C4orf51: variants seen among roughly 807,000 people sequenced by gnomAD.
The protein encoded by C4orf51 is chromosome 4 open reading frame 51, also known as uncharacterized protein C4orf51.
A neutral mutation model predicts 25.2 loss-of-function variants in C4orf51; 25 were observed. The ratio of observed to expected loss-of-function variants is 0.99; its 90% CI spans 0.72 to 1.39. The LOEUF (loss-of-function observed/expected upper bound fraction) is 1.39, where lower values mean the gene tolerates loss of function less well. Among genes scored for constraint, C4orf51 ranks in the 40% most tolerant of loss-of-function variants. C4orf51 has a pLI of 0.00. For missense variants in C4orf51, 252 were observed against 239.6 expected (o/e 1.05, Z -0.34); for synonymous variants, 100 against 84.5 (o/e 1.18, Z -1.01).
At chr4:145,719,103 T>A (rs1731576313) in intron 2 of C4orf51, among the ~76,000 whole-genome samples, 1 of 152,212 alleles carries the variant, frequency 6.6e-6, no homozygotes, top group South Asian at 2.1e-4. Context: ...CTTGTCTGTC[T>A]TGTCTTTGTA....
intron 2 of C4orf51, among the ~76,000 whole-genome samples, chr4:145,710,672 G>A (rs911552576): frequency 3.9e-5 from 6 of 152,118 alleles, no homozygotes; most frequent in African/African-American, 1.4e-4. Flanking sequence ...AGTTTCAGGT[G>A]TTTTGGTTTA....
At chr4:145,727,932 T>A (rs1326674812) in intron 3 of C4orf51, among the ~76,000 whole-genome samples, 1 of 86,726 alleles carries the variant, frequency 1.2e-5, no homozygotes, top group Non-Finnish European at 2.0e-5. Context: ...TAAAATATAT[T>A]ATATATATAC....
the C4orf51 span, among the ~76,000 whole-genome samples, chr4:145,787,814 G>C: frequency 6.6e-6 from 1 of 152,030 alleles, no homozygotes. Flanking sequence ...TCATTTTCAG[G>C]AGGGCAAAAA....
intron 1 of C4orf51, among the ~76,000 whole-genome samples, chr4:145,744,433 G>A (rs781141174): frequency 6.6e-6 from 1 of 152,076 alleles, no homozygotes; most frequent in East Asian, 1.9e-4. Context: ...TAAGTCCTTC[G>A]GCAGGAAATT....
chr4:145,765,772 G>A lies in C4orf51; in HGVS notation n.167-5216G>A. 3 of 1,597,342 alleles carry A rather than the reference G, an allele frequency of 1.9e-6. No individual in the cohort carries two copies. Among genetic ancestry groups the A allele is most frequent in the Non-Finnish European group, 1.7e-6 (2 of 1,170,612 alleles). On this transcript the variant is annotated intron_variant and non_coding_transcript_variant, in intron 1 of 1. Transcript: ENST00000510096. The surrounding 1 kb of genome is among the most constrained non-coding windows in gnomAD (Gnocchi z 4.7). ...TAAGCAAATAACCCAGTCTGTTAAT[G>A]AGATGAAAATCCTCAGAATTATAGC...
At chr4:145,745,319 C>CTTTTT (rs1560864379) in intron 1 of C4orf51, among the ~76,000 whole-genome samples, 6 of 39,594 alleles carry the variant, frequency 1.5e-4, no homozygotes, top group African/African-American at 8.2e-4. Context: ...CTTATTCATT[C>CTTTTT]ATTTTTTTTT....
intron 2 of C4orf51, among the ~76,000 whole-genome samples, chr4:145,711,761 T>C (rs186894404): frequency 1.3e-5 from 2 of 152,232 alleles, no homozygotes; most frequent in African/African-American, 2.4e-5. Context: ...GAATTTTTTT[T>C]AATAAATTTT....
chr4:145,744,645 C>A (rs1326115819), intron 1 of C4orf51, among the ~76,000 whole-genome samples: 2 of 152,040 alleles, frequency 1.3e-5, no homozygotes, highest in African/African-American at 4.8e-5. Flanking sequence ...CACGGTAAAA[C>A]CCCGTCTCTA....
chr4:145,784,041 T>G, the C4orf51 span, among the ~76,000 whole-genome samples: 2 of 152,152 alleles, frequency 1.3e-5, no homozygotes, highest in Non-Finnish European at 2.9e-5. Context: ...CCCTTCTCTA[T>G]TCCTACTGCT....
chr4:145,787,989 G>GA, the C4orf51 span, among the ~76,000 whole-genome samples: 20 of 152,092 alleles, frequency 1.3e-4, no homozygotes, highest in African/African-American at 4.8e-4. Flanking sequence ...TTACATATAA[G>GA]AAAACTGAGG....
At chr4:145,769,148 C>T (rs553073619) in intron 1 of C4orf51, among the ~76,000 whole-genome samples, 1 of 151,952 alleles carries the variant, frequency 6.6e-6, no homozygotes, top group African/African-American at 2.4e-5. Context: ...ACTCTTACTT[C>T]AGTTCACAAT....
chr4:145,758,580 GAAAAC>G (rs36234076), downstream of C4orf51: 28,650 of 152,086 alleles, frequency 0.19, 2,804 homozygotes, highest in African/African-American at 0.24. Flanking sequence ...GACATGACTT[GAAAAC>G]AAAACAAAAC....
At chr4:145,775,375 G>A (rs111511593), downstream of C4orf51, among the ~76,000 whole-genome samples, 218 of 151,868 alleles carry the variant, frequency 1.4e-3, 1 homozygote, top group African/African-American at 4.9e-3. Context: ...GGGGAAATAC[G>A]TAACGCCTTC....
chr4:145,706,643 A>G (rs901858676), intron 2 of C4orf51, among the ~76,000 whole-genome samples: 2 of 152,040 alleles, frequency 1.3e-5, no homozygotes, highest in African/African-American at 2.4e-5. Flanking sequence ...AAAAGAAAAC[A>G]GATTCTTTTT....
At chr4:145,712,584 A>C (rs1239272342) in intron 2 of C4orf51, among the ~76,000 whole-genome samples, 1 of 152,248 alleles carries the variant, frequency 6.6e-6, no homozygotes, top group Non-Finnish European at 1.5e-5. Flanking sequence ...GTGCAGAAGA[A>C]AAATTTGAAG....
intron 3 of C4orf51, among the ~76,000 whole-genome samples, chr4:145,727,532 A>C (rs1732129073): frequency 6.6e-6 from 1 of 152,016 alleles, no homozygotes; most frequent in South Asian, 2.1e-4. Context: ...ATTTGTTACG[A>C]TTTTTAATGG....
chr4:145,728,662 A>G (rs551400984), intron 3 of C4orf51, among the ~76,000 whole-genome samples: 2 of 152,346 alleles, frequency 1.3e-5, no homozygotes, highest in East Asian at 1.9e-4. Context: ...CATGGCTAAC[A>G]GCACTATAAC....
chr4:145,731,618 G>A (rs1318293267), intron 5 of C4orf51, among the ~76,000 whole-genome samples: 2 of 99,046 alleles, frequency 2.0e-5, no homozygotes, highest in Non-Finnish European at 3.7e-5. Flanking sequence ...TTTCACTCTT[G>A]TTGCCCAGGC....
intron 1 of C4orf51, among the ~76,000 whole-genome samples, chr4:145,693,711 G>A (rs1413189022): frequency 3.4e-5 from 3 of 88,550 alleles, no homozygotes; most frequent in Non-Finnish European, 6.8e-5. Context: ...CCGGACGGGG[G>A]GCTGACCCCC....
Sources: gnomAD v4.1 joint callset for allele counts (sites outside exome capture counted in the v4.1 genomes callset) on GRCh38, gnomAD v4.1.1 for gene constraint, Gnocchi (gnomAD v3.1) non-coding constraint, MANE v1.5 for transcripts, NCBI Gene and HGNC (gene_info 2026-07-23, HGNC 2026-07-21) for gene names.